ABCA2: variants seen among roughly 807,000 people sequenced by gnomAD.
ABCA2 encodes the protein ATP-binding cassette sub-family A member 2.
A neutral mutation model predicts 262.8 loss-of-function variants in ABCA2; 84 were observed. The ratio of observed to expected loss-of-function variants is 0.32; its 90% CI spans 0.27 to 0.38. The LOEUF (loss-of-function observed/expected upper bound fraction) is 0.38, where lower values mean the gene tolerates loss of function less well. Among genes scored for constraint, ABCA2 ranks in the 10% least tolerant of loss-of-function variants. ABCA2 has a pLI of 1.00. For synonymous variants in ABCA2, 1,696 were observed against 1,502.9 expected (o/e 1.13, Z -2.97); for missense variants, 2,662 against 3,405.9 (o/e 0.78, Z 5.44).
In ABCA2 at chr9:137,016,407, G is replaced by A; in HGVS notation, c.2988C>T (p.Leu996=). 6.2e-7 allele frequency: 1 copy of A among 1,612,896 alleles called. No individual in the cohort carries two copies. Among genetic ancestry groups the A allele is most frequent in the South Asian group, 1.1e-5 (1 of 91,082 alleles). The part of the protein sequence containing the change: ...HLPLVVCVDK[L]TKVYKDDKKL... ...TCTTGTCGTCCTTGTAGACCTTGGTGAGTTTGTCCACGCAGACAACCAGAG... is the reference window on the plus strand; with the variant it reads ...TCTTGTCGTCCTTGTAGACCTTGGTAAGTTTGTCCACGCAGACAACCAGAG... The change falls in exon 21 of 49, where the codon CTC becomes CTT. Residue 996 remains leucine, a synonymous_variant. Coordinates refer to ENST00000341511, the MANE Select transcript of ABCA2 (RefSeq NM_001606.5).
In ABCA2 at chr9:137,007,714, G is replaced by A. The variant is rs41306732; in HGVS notation, c.*215C>T. On this transcript the variant is annotated 3_prime_UTR_variant, in exon 49 of 49. Transcript: ENST00000341511. ...AGCAGGGCAAGGGTGTACGCAGCCC[G>A]GGCCGGGTCAGCCTTTGGCACAATT... 0.27 allele frequency: 180,576 copies of A among 661,444 alleles called. 25,669 individuals are homozygous for A. Among genetic ancestry groups the A allele is most frequent in the Admixed American group, 0.4 (15,937 of 40,216 alleles). The allele number at this position is 661,444 out of a possible 1,614,324, so 41.0% of individuals were successfully genotyped here. A position where few individuals can be genotyped will look rare whatever the true frequency, so the allele number is the denominator to read the frequency against.
chr9:137,013,774 C>G, intron 28 of ABCA2, 58 bp downstream of exon 28: 13 of 1,538,670 alleles, frequency 8.4e-6, no homozygotes, highest in Non-Finnish European at 1.1e-5. Flanking sequence ...ATCATCAGGG[C>G]TCCCAGCGGG....
At position 137,010,367 on chromosome 9, in the gene ABCA2, T is replaced by C; in HGVS notation, c.6179A>G (p.Tyr2060Cys). 1 of 1,568,134 alleles carries C rather than the reference T, an allele frequency of 6.4e-7. No individual in the cohort carries two copies. The highest frequency in any genetic ancestry group is 8.6e-7 in the Non-Finnish European group (1 of 1,157,056). Residue 2060 changes from tyrosine to cysteine, a missense_variant, in exon 41 of 49, where the codon TAC becomes TGC. Transcript: ENST00000341511. ...GATACGGCCAATCTTCCGGGACTTGTAGACCTGGCCAGGAGCCTGCCCACT... is the reference window on the plus strand; with the variant it reads ...GATACGGCCAATCTTCCGGGACTTGCAGACCTGGCCAGGAGCCTGCCCACT... ...MVKIENLTKVYKSRKIGRILA... is the reference protein window; with the variant it reads ...MVKIENLTKVCKSRKIGRILA...
At chr9:137,027,970 G>C in intron 1 of ABCA2, 105 bp downstream of exon 1, 5 of 543,122 alleles carry the variant, frequency 9.2e-6, no homozygotes, top group Non-Finnish European at 1.2e-5. Context: ...AGCGCCCGCC[G>C]GGGTCTGCGC....
At chr9:137,022,119 G>A (rs1399756512) in intron 6 of ABCA2, 118 bp from the exon 7 acceptor site, 15 of 580,858 alleles carry the variant, frequency 2.6e-5, no homozygotes, top group Non-Finnish European at 3.3e-5. Context: ...GTGGCTCAGA[G>A]AGTGGGGGCG....
At chr9:137,022,642 C>T (rs1014441706) in intron 5 of ABCA2, 60 bp downstream of exon 5, 16 of 1,573,848 alleles carry the variant, frequency 1.0e-5, no homozygotes, top group Non-Finnish European at 1.4e-5. Context: ...GGGCTTCAGC[C>T]CAGTGACAGC....
intron 28 of ABCA2, 129 bp downstream of exon 28, chr9:137,013,703 C>T (rs1230002594): frequency 7.8e-5 from 105 of 1,341,956 alleles, no homozygotes; most frequent in Admixed American, 3.9e-4. Context: ...GGATGAACCC[C>T]GGTGCGTGCC....
Position 137,012,986 on chromosome 9 carries a change from C to T in ABCA2, c.4867+16G>A, listed in dbSNP as rs147331179. 91 of 1,482,686 alleles carry T rather than the reference C, an allele frequency of 6.1e-5. No homozygotes were observed. The highest frequency in any genetic ancestry group is 4.1e-4 in the Admixed American group (19 of 45,786). 91.8% of individuals were successfully genotyped at this position (1,482,686 alleles called of 1,614,324 possible). A position where few individuals can be genotyped will look rare whatever the true frequency, so the allele number is the denominator to read the frequency against. On this transcript the variant is annotated intron_variant, in intron 30 of 48. Coordinates refer to ENST00000341511, the MANE Select transcript of ABCA2 (RefSeq NM_001606.5). ...TCACTGCCCCTGCCCCCCCAGCAGG[C>T]CCCCTGAACCACTACCTGGCCCAGC... is the stretch of plus-strand genomic sequence containing the variant.
rs753980203 is a variant in ABCA2 at position 137,022,371 on chromosome 9, C to T, written c.547G>A (p.Ala183Thr). Residue 183 changes from alanine (A) to threonine (T), a missense_variant, in exon 6 of 49, where the codon GCC (alanine) becomes ACC (threonine). By Grantham distance (58) the Ala-to-Thr change is moderately conservative (BLOSUM62 0). Transcript: ENST00000341511. The stretch of plus-strand genomic sequence containing the variant: ...CTTACCTCGGGCGGGTCCACACGGG[C>T]GGCCAAGAGTGCTTGGGCCGTGCTA... ...PNSTAQALLAARVDPPEVYHL... is the reference protein window; with the variant it reads ...PNSTAQALLATRVDPPEVYHL... The T allele has an allele frequency of 5.6e-6, 9 of 1,608,956 alleles. No homozygotes were observed. The highest frequency in any genetic ancestry group is 1.7e-4 in the Middle Eastern group (1 of 6,040).
Position 137,013,507 on chromosome 9 carries a change from G to T in ABCA2, c.4504C>A (p.Arg1502Ser). 6.2e-7 allele frequency: 1 copy of T among 1,610,282 alleles called. No homozygotes were observed. The highest frequency in any genetic ancestry group is 1.1e-5 in the South Asian group (1 of 90,296). The part of the protein sequence containing the change: ...PSQYHNYTQP[R>S]GNFIPYANEE... ...TTGGCGTAGGGGATGAAATTGCCACGGGGCTGGGTGTAGTTGTGGTACTGG... is the reference window on the plus strand; with the variant it reads ...TTGGCGTAGGGGATGAAATTGCCACTGGGCTGGGTGTAGTTGTGGTACTGG... The change falls in exon 29 of 49, where the codon CGT (arginine) becomes AGT (serine). Residue 1502 changes from arginine (R) to serine (S), a missense_variant. Physicochemically the swap from Arg to Ser is moderately radical, Grantham distance 110. This residue lies in a region of ABCA2 where 75 missense variants were observed against 118.3 expected (regional missense o/e 0.63). Coordinates refer to ENST00000341511, the MANE Select transcript of ABCA2 (RefSeq NM_001606.5).
At position 137,011,622 on chromosome 9, in the gene ABCA2, G is replaced by A. The variant is rs902622036; in HGVS notation, c.5651+12C>T. On this transcript the variant is annotated intron_variant, in intron 36 of 48. Transcript: ENST00000341511. The surrounding 1 kb of genome is among the most constrained non-coding windows in gnomAD (Gnocchi z 8.8). ...CCCACCTGAGGCCGCTCCCCCCTCC[G>A]CTTCCGCTTACCCATAGAGCAGGAA... The A allele has an allele frequency of 1.1e-5, 17 of 1,552,652 alleles. No homozygotes were observed. The highest frequency in any genetic ancestry group is 2.7e-5 in the African/African-American group (2 of 73,184).
At position 137,026,427 on chromosome 9, in the gene ABCA2, G is replaced by A. The variant is rs575061355; in HGVS notation, c.66+1648C>T. Among the ~76,000 whole-genome samples the A allele has an allele frequency of 2.0e-5, 3 of 152,290 alleles. No individual in the cohort carries two copies. In the East Asian group the frequency reaches 5.8e-4, roughly 29 times the overall value. On this transcript the variant is annotated intron_variant, in intron 1 of 48. Coordinates refer to ENST00000341511, the MANE Select transcript of ABCA2 (RefSeq NM_001606.5). ...TCCCAGGAAAGTGGGGACCCAGCAG[G>A]AGTGTGCCCAGTGTCCAGCCAGCCC...
Position 137,018,079 on chromosome 9 carries a change from T to A in ABCA2, c.1994-4A>T. The stretch of plus-strand genomic sequence containing the variant: ...ATGATGGCGCGCTCCATCATGTCTG[T>A]GGGTGGGGGCAGCCATCAGGTGCCG... On this transcript the variant is annotated splice_region_variant and splice_polypyrimidine_tract_variant and intron_variant, in intron 14 of 48. Coordinates refer to ENST00000341511, the MANE Select transcript of ABCA2 (RefSeq NM_001606.5). 3 of 1,612,122 alleles carry A rather than the reference T, an allele frequency of 1.9e-6. No individual in the cohort carries two copies. Among genetic ancestry groups the A allele is most frequent in the Non-Finnish European group, 2.5e-6 (3 of 1,179,722 alleles).
Position 137,021,523 on chromosome 9 carries a change from T to G in ABCA2, c.766A>C (p.Ser256Arg). 22 of 1,603,552 alleles carry G rather than the reference T, an allele frequency of 1.4e-5. No individual in the cohort carries two copies. The highest frequency in any genetic ancestry group is 1.9e-5 in the Non-Finnish European group (22 of 1,175,926). ...TAGCCCTGCAGGGCTCCCTTCTGAC[T>G]CTCAGGCACAGTGAGGATCCGGCCC... ...ELGRILTVPE[S>R]QKGALQGYRD... Residue 256 changes from serine to arginine, a missense_variant, in exon 8 of 49, where the codon AGT becomes CGT. Coordinates refer to ENST00000341511, the MANE Select transcript of ABCA2 (RefSeq NM_001606.5). This position sits in a 1 kb window ranked among gnomAD's most constrained non-coding sequence, Gnocchi z 6.0.
rs781362632 is a variant in ABCA2, at chr9:137,008,243, T to C, written c.7275+173A>G. The C allele has an allele frequency of 4.7e-6, 4 of 859,700 alleles. No individual in the cohort carries two copies. The African/African-American group carries it at 6.6e-5, about 14-fold the overall frequency. The allele number at this position is 859,700 out of a possible 1,614,324, so 53.3% of individuals were successfully genotyped here. ...CTCTAGCAAGTCTGGACCATGCAGT[T>C]ACGTCTCTCCAGGCCTATCTGCAAG... On this transcript the variant is annotated intron_variant, in intron 48 of 48. Transcript: ENST00000341511.
Position 137,009,587 on chromosome 9 carries a change from G to C in ABCA2, c.6688C>G (p.Leu2230Val). Residue 2230 changes from leucine (L) to valine (V), a missense_variant, in exon 44 of 49, where the codon CTT (leucine) becomes GTT (valine). Physicochemically the swap from Leu to Val is conservative, Grantham distance 32 (BLOSUM62 1). Around this residue, in one of 12 missense-constraint regions of ABCA2, gnomAD observed 602 missense variants for 897.4 expected, o/e 0.67. Transcript: ENST00000341511. The stretch of plus-strand genomic sequence containing the variant: ...GAACGCCCTGTCTTGATGAGGTCAA[G>C]GATGAGGTTCCAGAGGAAGCGCCGG... ...KARRFLWNLI[L>V]DLIKTGRSVV... is the part of the protein sequence containing the mutation. 1 of 1,612,972 alleles carries C rather than the reference G, an allele frequency of 6.2e-7. No individual in the cohort carries two copies. Among genetic ancestry groups the C allele is most frequent in the Non-Finnish European group, 8.5e-7 (1 of 1,179,920 alleles).
rs374229573 is a variant in ABCA2 at position 137,011,110 on chromosome 9, G to A, written c.5924-5C>T. On this transcript the variant is annotated splice_region_variant and splice_polypyrimidine_tract_variant and intron_variant, in intron 38 of 48. Transcript: ENST00000341511. The surrounding 1 kb of genome is among the most constrained non-coding windows in gnomAD (Gnocchi z 8.8). ...ACTTCATCTTGTCAAACTGGCCTGC[G>A]GGGAGACAGCTCAGGGCCTGTGCTC... 3.7e-4 allele frequency: 590 copies of A among 1,612,216 alleles called. No individual in the cohort carries two copies. Among genetic ancestry groups the A allele is most frequent in the Non-Finnish European group, 4.6e-4 (539 of 1,179,770 alleles).
chr9:137,020,222 C>A, intron 10 of ABCA2, 114 bp downstream of exon 10: 1 of 1,448,484 alleles, frequency 6.9e-7, no homozygotes, highest in East Asian at 2.3e-5. Context: ...CGAAGCTGCA[C>A]CCCGTACCCC....
Position 137,018,402 on chromosome 9 carries a change from C to T in ABCA2, c.1820-51G>A, listed in dbSNP as rs373776358. On this transcript the variant is annotated intron_variant, in intron 13 of 48. Transcript: ENST00000341511. ...CCAAGATGCAGGGGCGGGACCAAGG[C>T]GTGGTGGGGGGGAAAGCAAGGCACG... The T allele has an allele frequency of 8.7e-4, 150 of 173,056 alleles. 1 individual carries two copies. The highest frequency in any genetic ancestry group is 1.2e-3 in the Non-Finnish European group (139 of 115,078). The allele number at this position is 173,056 out of a possible 1,614,324, so 10.7% of individuals were successfully genotyped here.
Sources: gnomAD v4.1 joint callset for allele counts (sites outside exome capture counted in the v4.1 genomes callset) on GRCh38, gnomAD v4.1.1 for gene constraint, gnomAD v4.1.1 regional missense constraint, Gnocchi (gnomAD v3.1) non-coding constraint, MANE v1.5 for transcripts, NCBI Gene and HGNC (gene_info 2026-07-23, HGNC 2026-07-21) for gene names.